The following HTRA4 variants were observed in gnomAD, a reference collection of about 807,000 sequenced individuals.
HTRA4 encodes serine protease HTRA4.
HTRA4 carries 46 observed loss-of-function variants against 49.1 expected under a neutral mutation model. That is an observed-to-expected ratio of 0.94 (90% CI 0.74 to 1.20). The LOEUF (loss-of-function observed/expected upper bound fraction) is 1.20, where lower values mean the gene tolerates loss of function less well. Among genes scored for constraint, HTRA4 ranks in the 50% most tolerant of loss-of-function variants. HTRA4 has a pLI of 0.00. For synonymous variants in HTRA4, 261 were observed against 264.0 expected (o/e 0.99, Z 0.11); for missense variants, 602 against 636.9 (o/e 0.95, Z 0.59).
chr8:38,988,009 A>G lies in HTRA4; in HGVS notation c.1342A>G (p.Lys448Glu). The G allele has an allele frequency of 6.2e-7, 1 of 1,612,790 alleles. No homozygotes were observed. The highest frequency in any genetic ancestry group is 8.5e-7 in the Non-Finnish European group (1 of 1,179,506). Residue 448 changes from lysine (K) to glutamate (E), a missense_variant, in exon 9 of 9, where the codon AAA (lysine) becomes GAA (glutamate). Lys to Glu is a moderately conservative substitution (Grantham distance 56). Coordinates refer to ENST00000302495, the MANE Select transcript of HTRA4 (RefSeq NM_153692.4). ...TATTACTACTACAACTGATGTTGTT[A>G]AAGCTCTTGACAGTGATTCCCTTTC... is the stretch of plus-strand genomic sequence containing the variant. ...KPITTTTDVV[K>E]ALDSDSLSMA...
At position 38,975,794 on chromosome 8, in the gene HTRA4, A is replaced by T. The variant is rs560826434; in HGVS notation, c.566+664A>T. Among the ~76,000 whole-genome samples, 16 of 152,302 alleles carry T rather than the reference A, an allele frequency of 1.1e-4. No individual in the cohort carries two copies. In the South Asian group the frequency reaches 3.3e-3, roughly 32 times the overall value. ...CCAGAGAGCAGGGTTAATTTGTCCT[A>T]TGTTACTATGTTACGAGGCCAGTTG... On this transcript the variant is annotated intron_variant, in intron 2 of 8. Transcript: ENST00000302495.
intron 8 of HTRA4, 77 bp from the exon 9 acceptor site, chr8:38,987,859 A>G (rs2129428061): frequency 7.6e-7 from 1 of 1,307,246 alleles, no homozygotes; most frequent in Non-Finnish European, 1.0e-6. Context: ...TTAAGACAGA[A>G]ATATTAAATT....
intron 5 of HTRA4, among the ~76,000 whole-genome samples, chr8:38,980,274 GT>G (rs546665109): frequency 1.2e-3 from 162 of 139,858 alleles, no homozygotes; most frequent in Admixed American, 1.1e-3. Flanking sequence ...CAAAATGATT[GT>G]TTTTTTTTTT....
At chr8:38,975,668 C>T (rs1379607446) in intron 2 of HTRA4, among the ~76,000 whole-genome samples, 1 of 152,198 alleles carries the variant, frequency 6.6e-6, no homozygotes, top group Non-Finnish European at 1.5e-5. Context: ...CTTAGCCTCC[C>T]GACGTGCTGG....
chr8:38,984,003 TAG>T lies in HTRA4; in HGVS notation c.1268+956_1268+957del, dbSNP rs372395449. Among the ~76,000 whole-genome samples, 218 of 151,338 alleles carry T rather than the reference TAG, an allele frequency of 1.4e-3. 1 individual carries two copies. Among genetic ancestry groups the T allele is most frequent in the African/African-American group, 3.8e-3 (157 of 41,314 alleles). ...TTAGTAACTATTAATTATTCATTAA[TAG>T]TTTTTTTTTCTTTTGAGATGGAGTC... On this transcript the variant is annotated intron_variant, in intron 8 of 8. Transcript: ENST00000302495.
Position 38,974,458 on chromosome 8 carries a change from G to A in HTRA4, c.195G>A (p.Leu65=). The change falls in exon 1 of 9, where the codon CTG becomes CTA. Residue 65 remains leucine (L), a synonymous_variant. Transcript: ENST00000302495. The part of the protein sequence containing the change: ...CALGTTPVFD[L]CRCCRVCPAA... ...TGGGGACCACGCCGGTGTTCGACCTGTGCCGCTGTTGCCGCGTCTGCCCCG... is the reference window on the plus strand; with the variant it reads ...TGGGGACCACGCCGGTGTTCGACCTATGCCGCTGTTGCCGCGTCTGCCCCG... 1 of 1,537,178 alleles carries A rather than the reference G, an allele frequency of 6.5e-7. No individual in the cohort carries two copies. Among genetic ancestry groups the A allele is most frequent in the Non-Finnish European group, 8.7e-7 (1 of 1,146,482 alleles).
chr8:38,987,353 A>G (rs1388427316), intron 8 of HTRA4, among the ~76,000 whole-genome samples: 1 of 152,148 alleles, frequency 6.6e-6, no homozygotes, highest in Non-Finnish European at 1.5e-5. Flanking sequence ...GGAGAAAAGG[A>G]GCCTAGAGCC....
At position 38,987,912 on chromosome 8, in the gene HTRA4, CTCTT is replaced by C; in HGVS notation, c.1269-22_1269-19del. The C allele has an allele frequency of 5.9e-6, 9 of 1,524,018 alleles. No homozygotes were observed. The highest frequency in any genetic ancestry group is 7.0e-6 in the Non-Finnish European group (8 of 1,141,768). The allele number at this position is 1,524,018 out of a possible 1,614,324, so 94.4% of individuals were successfully genotyped here. On this transcript the variant is annotated intron_variant, in intron 8 of 8. Transcript: ENST00000302495. ...AAATTCTTGTTATAGTTTCATGATC[CTCTT>C]TTTTTTCTCCCTCTCTCAGCTCTGG...
chr8:38,984,293 G>A (rs908364319), intron 8 of HTRA4, among the ~76,000 whole-genome samples: 5 of 150,290 alleles, frequency 3.3e-5, no homozygotes, highest in African/African-American at 7.3e-5. Flanking sequence ...GAGCCACCAC[G>A]CCTGGCCATA....
intron 1 of HTRA4, 147 bp from the exon 2 acceptor site, chr8:38,974,884 C>T (rs923461487): frequency 2.5e-6 from 3 of 1,204,254 alleles, no homozygotes; most frequent in African/African-American, 1.5e-5. Context: ...TTCCTTTCCT[C>T]CTTAACAGGG....
chr8:38,978,394 G>A (rs919629257), intron 4 of HTRA4, among the ~76,000 whole-genome samples: 13 of 152,214 alleles, frequency 8.5e-5, no homozygotes, highest in Admixed American at 3.3e-4. Flanking sequence ...CATGCCCGAT[G>A]ATCTGAGGTG....
rs1382924333 is a variant in HTRA4 at position 38,974,527 on chromosome 8, C to T, written c.264C>T (p.Cys88=). Residue 88 remains cysteine (C), a synonymous_variant, in exon 1 of 9, where the codon TGC becomes TGT. Transcript: ENST00000302495. ...GCGGCGGGGCGCAGGGCCAACCGTG[C>T]GCCCCGGGGCTGCAGTGCCTCCAGC... ...EVCGGAQGQP[C]APGLQCLQPL... is the part of the protein sequence containing the mutation. 1 of 1,423,564 alleles carries T rather than the reference C, an allele frequency of 7.0e-7. No individual in the cohort carries two copies. The allele number at this position is 1,423,564 out of a possible 1,614,324, so 88.2% of individuals were successfully genotyped here. A position where few individuals can be genotyped will look rare whatever the true frequency, so the allele number is the denominator to read the frequency against.
chr8:38,976,344 G>A (rs1835351093), intron 2 of HTRA4, among the ~76,000 whole-genome samples, 191 bp from the exon 3 acceptor site: 1 of 152,176 alleles, frequency 6.6e-6, no homozygotes. Flanking sequence ...GTTGCAGTGA[G>A]CCGAGATTGC....
chr8:38,983,536 AT>A (rs1412276474), intron 8 of HTRA4, among the ~76,000 whole-genome samples: 4 of 152,166 alleles, frequency 2.6e-5, no homozygotes, highest in East Asian at 1.9e-4. Context: ...AAAAAAAAAA[AT>A]ATTATCATTA....
At chr8:38,979,120 T>C (rs1427272199) in intron 4 of HTRA4, 95 bp from the exon 5 acceptor site, 1 of 1,168,606 alleles carries the variant, frequency 8.6e-7, no homozygotes, top group Non-Finnish European at 1.3e-6. Context: ...CTTGGTGGGC[T>C]GCTTTTGGTA....
rs78555740 is a variant in HTRA4, at chr8:38,980,200, C to G, written c.999+953C>G. ...GCATGTGATCATCCTTTCTGAGTCC[C>G]TTTGCACTGATTGCTTTTGGTTCCT... is the stretch of plus-strand genomic sequence containing the variant. On this transcript the variant is annotated intron_variant, in intron 5 of 8. Transcript: ENST00000302495. Among the ~76,000 whole-genome samples the G allele has an allele frequency of 8.4e-4, 128 of 152,076 alleles. 1 individual carries two copies. The East Asian group carries it at 0.019, about 23-fold the overall frequency.
In HTRA4 at chr8:38,974,666, G is replaced by T. The variant is rs757236191; in HGVS notation, c.403G>T (p.Ala135Ser). Residue 135 changes from alanine (A) to serine (S), a missense_variant, in exon 1 of 9, where the codon GCC (alanine) becomes TCC (serine). By Grantham distance (99) the Ala-to-Ser change is moderately conservative. Coordinates refer to ENST00000302495, the MANE Select transcript of HTRA4 (RefSeq NM_153692.4). The stretch of plus-strand genomic sequence containing the variant: ...GTGCGCGCTCCGGGCCGAAAACCGC[G>T]CCGCGCGCCGCCTGGGCAAGGTCCC... ...SMCALRAENRAARRLGKVPAV... is the reference protein window; with the variant it reads ...SMCALRAENRSARRLGKVPAV... 4.3e-6 allele frequency: 6 copies of T among 1,397,678 alleles called. No individual in the cohort carries two copies. Among genetic ancestry groups the T allele is most frequent in the South Asian group, 1.6e-5 (1 of 61,136 alleles). The allele number at this position is 1,397,678 out of a possible 1,614,324, so 86.6% of individuals were successfully genotyped here.
chr8:38,974,791 A>G, intron 1 of HTRA4, 62 bp downstream of exon 1: 1 of 1,388,612 alleles, frequency 7.2e-7, no homozygotes. Flanking sequence ...GTAAAGGAAC[A>G]AGACCTCACT....
chr8:38,984,217 T>G (rs1423811556), intron 8 of HTRA4, among the ~76,000 whole-genome samples: 2 of 150,690 alleles, frequency 1.3e-5, no homozygotes, highest in Non-Finnish European at 1.5e-5. Context: ...GCCAGGCTGG[T>G]CTCGAACTCC....
Sources: allele counts gnomAD v4.1 joint callset (sites outside exome capture counted in the v4.1 genomes callset), GRCh38; gene constraint gnomAD v4.1.1; transcripts MANE v1.5; gene names NCBI Gene and HGNC (gene_info 2026-07-23, HGNC 2026-07-21).